VWC2L: variants seen among roughly 807,000 people sequenced by gnomAD.
VWC2L encodes von Willebrand factor C domain containing 2 like, also known as von Willebrand factor C domain-containing protein 2-like.
In VWC2L, 10 loss-of-function variants were observed where a neutral mutation model predicts 21.6. That is an observed-to-expected ratio of 0.46 (90% CI 0.29 to 0.78). The LOEUF is 0.78. Ranked by LOEUF, VWC2L falls within the 30% of genes least tolerant of loss-of-function variation. VWC2L has a pLI of 0.10. For missense variants in VWC2L, 209 were observed against 277.1 expected (o/e 0.75, Z 1.74); for synonymous variants, 96 against 94.3 (o/e 1.02, Z -0.10).
intron 3 of VWC2L, among the ~76,000 whole-genome samples, chr2:214,552,118 G>A (rs532483013): frequency 7.2e-5 from 11 of 152,322 alleles, no homozygotes; most frequent in African/African-American, 9.6e-5. Context: ...GATCAGCTTC[G>A]CTGTGATTCA....
At chr2:214,516,327 A>G (rs1361453582) in intron 3 of VWC2L, among the ~76,000 whole-genome samples, 2 of 152,050 alleles carry the variant, frequency 1.3e-5, no homozygotes, top group African/African-American at 2.4e-5. Flanking sequence ...CCTGCCTCCT[A>G]AGCTTCAGTG....
At chr2:214,539,004 C>T (rs926145665) in intron 3 of VWC2L, among the ~76,000 whole-genome samples, 3 of 152,102 alleles carry the variant, frequency 2.0e-5, no homozygotes, top group Admixed American at 2.0e-4. Flanking sequence ...ATAGATCTTC[C>T]TTGCATGAAT....
At chr2:214,513,059 C>A (rs1454631112) in intron 3 of VWC2L, among the ~76,000 whole-genome samples, 1 of 152,196 alleles carries the variant, frequency 6.6e-6, no homozygotes, top group East Asian at 1.9e-4. Context: ...AAAAGGAAAG[C>A]TGCATCTTGG....
intron 3 of VWC2L, among the ~76,000 whole-genome samples, chr2:214,515,856 T>C (rs984363870): frequency 6.6e-6 from 1 of 152,178 alleles, no homozygotes; most frequent in Non-Finnish European, 1.5e-5. Context: ...GGGATTACAG[T>C]GAGCCACCGT....
chr2:214,451,899 A>G (rs1014561658), intron 3 of VWC2L, among the ~76,000 whole-genome samples: 2 of 152,182 alleles, frequency 1.3e-5, no homozygotes, highest in African/African-American at 4.8e-5. Flanking sequence ...TGAACTGTAC[A>G]TTTTTAAAAT....
intron 3 of VWC2L, among the ~76,000 whole-genome samples, chr2:214,543,459 A>G (rs1412599561): frequency 2.0e-5 from 3 of 152,212 alleles, no homozygotes; most frequent in Non-Finnish European, 2.9e-5. Context: ...TCTAATCAAT[A>G]TCGTCAAGTT....
At chr2:214,477,323 G>T (rs1445899673) in intron 3 of VWC2L, among the ~76,000 whole-genome samples, 1 of 152,222 alleles carries the variant, frequency 6.6e-6, no homozygotes, top group African/African-American at 2.4e-5. Flanking sequence ...ATTTCTCTGG[G>T]AGCCATAGCT....
At chr2:214,548,975 A>C (rs1351090237) in intron 3 of VWC2L, among the ~76,000 whole-genome samples, 1 of 152,206 alleles carries the variant, frequency 6.6e-6, no homozygotes, top group Non-Finnish European at 1.5e-5. Context: ...GTGGATCAGA[A>C]GTCTGAAACC....
intron 3 of VWC2L, among the ~76,000 whole-genome samples, chr2:214,441,573 C>A (rs967028984): frequency 6.6e-6 from 1 of 151,902 alleles, no homozygotes; most frequent in African/African-American, 2.4e-5. Flanking sequence ...TTAAAAGACA[C>A]TTTCTTTCAA....
chr2:214,490,153 G>T (rs1238909698), intron 3 of VWC2L, among the ~76,000 whole-genome samples: 1 of 152,134 alleles, frequency 6.6e-6, no homozygotes, highest in Non-Finnish European at 1.5e-5. Flanking sequence ...GATCCCAAAG[G>T]CAGAGATGCA....
Position 214,517,602 on chromosome 2 carries a change from T to A in VWC2L, c.521-58070T>A, listed in dbSNP as rs148360660. ...ATGCAATAAGAGAAGTAAAGGCAGATCCCAGGAGGAAGAAGCAGTTTATAG... is the reference window on the plus strand; with the variant it reads ...ATGCAATAAGAGAAGTAAAGGCAGAACCCAGGAGGAAGAAGCAGTTTATAG... On this transcript the variant is annotated intron_variant, in intron 3 of 3. Transcript: ENST00000312504. Among the ~76,000 whole-genome samples, 660 of 152,126 alleles carry A rather than the reference T, an allele frequency of 4.3e-3. 7 individuals are homozygous for A. The highest frequency in any genetic ancestry group is 0.015 in the African/African-American group (632 of 41,490).
intron 3 of VWC2L, among the ~76,000 whole-genome samples, chr2:214,529,422 G>T (rs984337475): frequency 6.6e-6 from 1 of 152,228 alleles, no homozygotes; most frequent in African/African-American, 2.4e-5. Flanking sequence ...AACAGTTCCT[G>T]GTTCATGGGT....
rs1702317670 is a variant in VWC2L, at chr2:214,414,134, A to G, written c.-60A>G. 1.3e-6 allele frequency: 2 copies of G among 1,539,508 alleles called. No individual in the cohort carries two copies. The highest frequency in any genetic ancestry group is 4.7e-4 in the Middle Eastern group (2 of 4,238). ...TTCAGCCTACCCCTCTTGTATTCCC[A>G]TGGAAGGAGCTGAGTATATTTAATA... On this transcript the variant is annotated 5_prime_UTR_variant, in exon 2 of 4. The change abolishes an upstream ATG in the 5' untranslated region. Transcript: ENST00000312504.
chr2:214,444,624 T>C (rs1182067010), intron 3 of VWC2L, among the ~76,000 whole-genome samples: 4 of 151,946 alleles, frequency 2.6e-5, no homozygotes, highest in Non-Finnish European at 5.9e-5. Flanking sequence ...ATTGGAAAAT[T>C]CAACCTACCA....
intron 3 of VWC2L, among the ~76,000 whole-genome samples, chr2:214,568,960 T>C (rs1690108734): frequency 6.6e-6 from 1 of 152,076 alleles, no homozygotes; most frequent in Admixed American, 6.6e-5. Flanking sequence ...GCCCTTTTCT[T>C]CTCCCTCCCC....
chr2:214,447,474 C>T (rs1481612171), intron 3 of VWC2L, among the ~76,000 whole-genome samples: 1 of 152,178 alleles, frequency 6.6e-6, no homozygotes, highest in South Asian at 2.1e-4. Context: ...ACATTCACTT[C>T]TTCACTTCAC....
chr2:214,436,404 C>T (rs187769401), intron 2 of VWC2L: 14 of 480,640 alleles, frequency 2.9e-5, no homozygotes, highest in Non-Finnish European at 4.2e-5. Flanking sequence ...AAGTCATACA[C>T]GGGTGCTTTT....
intron 3 of VWC2L, among the ~76,000 whole-genome samples, chr2:214,447,712 A>G (rs577895980): frequency 4.6e-5 from 7 of 152,170 alleles, no homozygotes; most frequent in Non-Finnish European, 8.8e-5. Flanking sequence ...TTATCCCTCT[A>G]TCTTCCTCAG....
At chr2:214,460,548 A>G (rs1475616363) in intron 3 of VWC2L, among the ~76,000 whole-genome samples, 1 of 152,008 alleles carries the variant, frequency 6.6e-6, no homozygotes, top group Non-Finnish European at 1.5e-5. Context: ...TTTCTGCTTG[A>G]TCTAGCCTAT....
Sources: gnomAD v4.1 joint callset for allele counts (sites outside exome capture counted in the v4.1 genomes callset) on GRCh38, gnomAD v4.1.1 for gene constraint, MANE v1.5 for transcripts, NCBI Gene and HGNC (gene_info 2026-07-23, HGNC 2026-07-21) for gene names.